GRAMD1B: variants seen among roughly 807,000 people sequenced by gnomAD.
GRAMD1B encodes protein Aster-B.
GRAMD1B carries 37 observed loss-of-function variants against 99.7 expected under a neutral mutation model. The observed-to-expected ratio is 0.37, with a 90% confidence interval of 0.29 to 0.49. The LOEUF is 0.49. Ranked by LOEUF, GRAMD1B falls within the 20% of genes least tolerant of loss-of-function variation. GRAMD1B has a pLI of 0.98. For synonymous variants in GRAMD1B, 427 were observed against 387.6 expected (o/e 1.10, Z -1.19); for missense variants, 888 against 1,009.2 (o/e 0.88, Z 1.63).
intron 5 of GRAMD1B, 123 bp downstream of exon 5, chr11:123,594,289 G>A: frequency 2.8e-6 from 2 of 720,494 alleles, no homozygotes; most frequent in Non-Finnish European, 5.0e-6. Context: ...AGGGAGAGAG[G>A]CTGTCCAGAC....
At chr11:123,411,508 G>A (rs1948050893) in intron 1 of GRAMD1B, among the ~76,000 whole-genome samples, 1 of 152,056 alleles carries the variant, frequency 6.6e-6, no homozygotes, top group East Asian at 1.9e-4. Context: ...AACAAATCTG[G>A]TATTATTTAG....
At chr11:123,399,406 C>A (rs955252222) in intron 1 of GRAMD1B, among the ~76,000 whole-genome samples, 41 of 152,164 alleles carry the variant, frequency 2.7e-4, no homozygotes, top group Non-Finnish European at 2.9e-5. Context: ...GAAGTGCAGG[C>A]ATCTCTTTGA....
intron 2 of GRAMD1B, among the ~76,000 whole-genome samples, chr11:123,488,636 C>T (rs926029573): frequency 3.3e-5 from 5 of 151,778 alleles, no homozygotes; most frequent in Admixed American, 6.6e-5. Flanking sequence ...CTTCTCCCCT[C>T]GCCACCCCAC....
chr11:123,373,226 A>G (rs1425067081), intron 1 of GRAMD1B, among the ~76,000 whole-genome samples: 1 of 152,214 alleles, frequency 6.6e-6, no homozygotes, highest in East Asian at 1.9e-4. Flanking sequence ...TATACAACAA[A>G]GAGGCTAAAA....
intron 1 of GRAMD1B, among the ~76,000 whole-genome samples, chr11:123,392,904 G>T (rs975275539): frequency 1.3e-5 from 2 of 152,078 alleles, no homozygotes; most frequent in Non-Finnish European, 2.9e-5. Flanking sequence ...ATTTTTAGAC[G>T]TTTTACTTCA....
At chr11:123,579,341 A>AC (rs1237905257) in intron 3 of GRAMD1B, among the ~76,000 whole-genome samples, 1 of 152,156 alleles carries the variant, frequency 6.6e-6, no homozygotes, top group Non-Finnish European at 1.5e-5. Context: ...AGGAGGGTGA[A>AC]CAGCTGTTCC....
At position 123,510,350 on chromosome 11, in the gene GRAMD1B, T is replaced by C. The variant is rs910225710; in HGVS notation, c.452+29457T>C. 1.3e-5 allele frequency among the ~76,000 whole-genome samples: 2 copies of C among 151,948 alleles called. No individual in the cohort carries two copies. Among genetic ancestry groups the C allele is most frequent in the Admixed American group, 6.5e-5 (1 of 15,268 alleles). On this transcript the variant is annotated intron_variant, in intron 2 of 19. Coordinates refer to ENST00000635736, the MANE Select transcript of GRAMD1B (RefSeq NM_001387025.1). The surrounding 1 kb of genome is among the most constrained non-coding windows in gnomAD (Gnocchi z 4.3). ...CCTCCGTCTTTGTGCCCTCTCCCTC[T>C]CAACAGGGGGAGCCTGGGAAGACCC...
At chr11:123,451,209 A>G (rs1949872446) in intron 1 of GRAMD1B, among the ~76,000 whole-genome samples, 1 of 152,304 alleles carries the variant, frequency 6.6e-6, no homozygotes, top group South Asian at 2.1e-4. Context: ...CGGAAGGGAC[A>G]GGGTATAATT....
intron 1 of GRAMD1B, among the ~76,000 whole-genome samples, chr11:123,461,992 G>A (rs7112980): frequency 0.25 from 35,816 of 142,934 alleles, 4,781 homozygotes; most frequent in Admixed American, 0.34. Flanking sequence ...TTTGAAATGG[G>A]ATCTTGCTCT....
intron 1 of GRAMD1B, among the ~76,000 whole-genome samples, chr11:123,467,005 T>C (rs990182215): frequency 6.6e-6 from 1 of 152,124 alleles, no homozygotes. Flanking sequence ...CAGAACCCAT[T>C]TGAGGAATAT....
At chr11:123,532,161 A>G (rs534477320) in intron 2 of GRAMD1B, among the ~76,000 whole-genome samples, 1 of 151,958 alleles carries the variant, frequency 6.6e-6, no homozygotes, top group Admixed American at 6.5e-5. Context: ...ACTCATGCTA[A>G]ATTTAGTTCT....
intron 1 of GRAMD1B, among the ~76,000 whole-genome samples, chr11:123,369,267 C>T (rs1946436052): frequency 6.6e-6 from 1 of 152,118 alleles, no homozygotes; most frequent in African/African-American, 2.4e-5. Flanking sequence ...CACCATTGCA[C>T]TCCAGCCTAG....
chr11:123,419,746 T>A (rs61904752), intron 1 of GRAMD1B, among the ~76,000 whole-genome samples: 53,946 of 134,092 alleles, frequency 0.4, 12,006 homozygotes, highest in African/African-American at 0.65. Context: ...TGTGTGTGTG[T>A]GAATGAGAAA....
In GRAMD1B at chr11:123,430,910, C is replaced by T. The variant is rs1178658178; in HGVS notation, c.118C>T (p.Arg40Cys). ...WSSSSTPTLR[R>C]RRFKMRRMKN... Reference sequence around the variant, plus strand: ...CAGTTCGTCGACCCCCACGCTTCGCCGCCGGCGCTTCAAGATGCGCCGCAT... The same window carrying T: ...CAGTTCGTCGACCCCCACGCTTCGCTGCCGGCGCTTCAAGATGCGCCGCAT... Residue 40 changes from arginine (R) to cysteine (C), a missense_variant, in exon 1 of 20, where the codon CGC becomes TGC. Coordinates refer to ENST00000635736, the MANE Select transcript of GRAMD1B (RefSeq NM_001387025.1). 1.4e-6 allele frequency: 1 copy of T among 702,730 alleles called. No individual in the cohort carries two copies. Among genetic ancestry groups the T allele is most frequent in the Admixed American group, 2.0e-5 (1 of 50,022 alleles). 43.5% of individuals were successfully genotyped at this position (702,730 alleles called of 1,614,324 possible). A position where few individuals can be genotyped will look rare whatever the true frequency, so the allele number is the denominator to read the frequency against.
At chr11:123,367,299 A>T (rs1233499661) in intron 1 of GRAMD1B, among the ~76,000 whole-genome samples, 1 of 152,242 alleles carries the variant, frequency 6.6e-6, no homozygotes, top group African/African-American at 2.4e-5. Flanking sequence ...TCTAGGAAGG[A>T]AGATAAACGT....
chr11:123,505,202 T>TG (rs1373251327), intron 2 of GRAMD1B, among the ~76,000 whole-genome samples: 4 of 372 alleles, frequency 0.011, no homozygotes, highest in Admixed American at 0.17. Flanking sequence ...AATATATTAA[T>TG]TTTTTTTTAA....
chr11:123,403,239 A>C (rs925201520), intron 1 of GRAMD1B, among the ~76,000 whole-genome samples: 1 of 152,030 alleles, frequency 6.6e-6, no homozygotes, highest in African/African-American at 2.4e-5. Flanking sequence ...AGCCTGACCA[A>C]CATGGTGAAA....
At chr11:123,486,733 G>A (rs2134948377) in intron 2 of GRAMD1B, among the ~76,000 whole-genome samples, 1 of 152,276 alleles carries the variant, frequency 6.6e-6, no homozygotes, top group Admixed American at 6.5e-5. Context: ...ATAATATAAT[G>A]TAATAAATGA....
chr11:123,620,906 A>AGAT (rs1955046732), intron 19 of GRAMD1B, among the ~76,000 whole-genome samples: 1 of 152,206 alleles, frequency 6.6e-6, no homozygotes, highest in African/African-American at 2.4e-5. Context: ...CATCATCACT[A>AGAT]GATGATGATG....
Sources: allele counts gnomAD v4.1 joint callset (sites outside exome capture counted in the v4.1 genomes callset), GRCh38; gene constraint gnomAD v4.1.1; non-coding constraint Gnocchi (gnomAD v3.1); transcripts MANE v1.5; gene names NCBI Gene and HGNC (gene_info 2026-07-23, HGNC 2026-07-21).